PCDHGA5: variants seen among roughly 807,000 people sequenced by gnomAD.
The protein encoded by PCDHGA5 is protocadherin gamma-A5.
PCDHGA5 carries 36 observed loss-of-function variants against 56.7 expected under a neutral mutation model. That is an observed-to-expected ratio of 0.64 (90% confidence interval 0.49 to 0.84). The LOEUF is 0.84. Among genes scored for constraint, PCDHGA5 ranks in the 40% least tolerant of loss-of-function variants. PCDHGA5 has a pLI of 0.00. For synonymous variants in PCDHGA5, 563 were observed against 520.2 expected, an observed-to-expected ratio of 1.08 and a Z score of -1.12; for missense variants, 1,305 against 1,201.5, an observed-to-expected ratio of 1.09 and a Z score of -1.27.
chr5:141,400,011 G>A (rs200842238), intron 1 of PCDHGA5: 35 of 1,612,624 alleles, frequency 2.2e-5, no homozygotes, highest in African/African-American at 4.0e-5. Context: ...CGCGTGCCTT[G>A]GGCGACAGGG....
chr5:141,439,310 A>G lies in PCDHGA5; in HGVS notation c.2422-55497A>G, dbSNP rs775009481. ...TCCATGGAAAAAGTAAAGCCCAGGCATGGAAGTGGGAATGGAAAGAAAGAT... is the reference window on the plus strand; with the variant it reads ...TCCATGGAAAAAGTAAAGCCCAGGCGTGGAAGTGGGAATGGAAAGAAAGAT... On this transcript the variant is annotated intron_variant, in intron 1 of 3. Transcript: ENST00000518069. 1.6e-4 allele frequency among the ~76,000 whole-genome samples: 24 copies of G among 152,320 alleles called. No homozygotes were observed. In the South Asian group the frequency reaches 4.1e-3, roughly 26 times the overall value.
chr5:141,384,356 A>G, intron 1 of PCDHGA5: 3 of 1,613,862 alleles, frequency 1.9e-6, no homozygotes, highest in Non-Finnish European at 1.7e-6. Flanking sequence ...GATAATGCCC[A>G]GATCACTTAT....
At chr5:141,502,300 TTCCTC>T (rs139569110) in intron 2 of PCDHGA5, among the ~76,000 whole-genome samples, 4,853 of 152,256 alleles carry the variant, frequency 0.032, 250 homozygotes, top group African/African-American at 0.11. Flanking sequence ...TGTCACGTCT[TTCCTC>T]TCCTTTAATC....
At chr5:141,374,028 G>A (rs1417226376) in intron 1 of PCDHGA5, 1 of 1,418,506 alleles carries the variant, frequency 7.0e-7, no homozygotes, top group Non-Finnish European at 9.3e-7. Context: ...GAGCAAAAGT[G>A]ATGCAGATCT....
chr5:141,409,033 A>C, intron 1 of PCDHGA5: 1 of 1,614,028 alleles, frequency 6.2e-7, no homozygotes, highest in South Asian at 1.1e-5. Context: ...ATGCTGAGAT[A>C]AACTACTACT....
At chr5:141,409,723 G>T (rs781363259) in intron 1 of PCDHGA5, 1 of 1,613,154 alleles carries the variant, frequency 6.2e-7, no homozygotes, top group Non-Finnish European at 8.5e-7. Flanking sequence ...ACGTGTCAGT[G>T]AGCGCGCAGA....
intron 1 of PCDHGA5, chr5:141,413,078 C>T: frequency 7.7e-7 from 1 of 1,301,152 alleles, no homozygotes; most frequent in Non-Finnish European, 1.1e-6. Flanking sequence ...AGTGCCCAGG[C>T]TACAGAGACA....
At chr5:141,398,811 C>T (rs1231007055) in intron 1 of PCDHGA5, 4 of 1,613,862 alleles carry the variant, frequency 2.5e-6, no homozygotes, top group Non-Finnish European at 3.4e-6. Context: ...CCACTGAGCT[C>T]CGGATCCAGG....
At chr5:141,403,236 T>G in intron 1 of PCDHGA5, 1 of 1,613,908 alleles carries the variant, frequency 6.2e-7, no homozygotes, top group South Asian at 1.1e-5. Flanking sequence ...CGGGAGGAGC[T>G]CTGTGCTCAG....
At chr5:141,500,455 C>T (rs1254764658) in intron 2 of PCDHGA5, among the ~76,000 whole-genome samples, 4 of 151,986 alleles carry the variant, frequency 2.6e-5, no homozygotes, top group Non-Finnish European at 5.9e-5. Context: ...GTGATCCGCC[C>T]GCCTCGGCCT....
chr5:141,416,042 A>G (rs1024979061), intron 1 of PCDHGA5: 1 of 193,196 alleles, frequency 5.2e-6, no homozygotes, highest in African/African-American at 2.3e-5. Context: ...ACCTCTGGAA[A>G]CACAACCCAA....
At chr5:141,371,418 G>T in intron 1 of PCDHGA5, 1 of 1,614,006 alleles carries the variant, frequency 6.2e-7, no homozygotes. Flanking sequence ...AGATGAAAAT[G>T]ACAATGCCCC....
intron 1 of PCDHGA5, chr5:141,404,365 C>G (rs1322773399): frequency 1.2e-6 from 2 of 1,613,818 alleles, no homozygotes; most frequent in Admixed American, 3.3e-5. Context: ...GTACTTCCAT[C>G]TTCTCCGTGA....
intron 1 of PCDHGA5, chr5:141,385,016 C>T (rs536780147): frequency 1.2e-6 from 2 of 1,614,068 alleles, no homozygotes; most frequent in African/African-American, 1.3e-5. Flanking sequence ...GTCTTCCTAG[C>T]CTTCGTCCTC....
At chr5:141,483,772 G>C (rs2099586910) in intron 1 of PCDHGA5, among the ~76,000 whole-genome samples, 1 of 152,140 alleles carries the variant, frequency 6.6e-6, no homozygotes, top group Non-Finnish European at 1.5e-5. Flanking sequence ...AAAAATATTG[G>C]GGAAGGATAA....
At chr5:141,394,188 G>A (rs772537455) in intron 1 of PCDHGA5, 1 of 1,613,828 alleles carries the variant, frequency 6.2e-7, no homozygotes, top group Non-Finnish European at 8.5e-7. Flanking sequence ...CTCCTACTCA[G>A]CGTATATCCT....
At chr5:141,470,795 C>T (rs947636574) in intron 1 of PCDHGA5, among the ~76,000 whole-genome samples, 2 of 152,182 alleles carry the variant, frequency 1.3e-5, no homozygotes, top group Non-Finnish European at 2.9e-5. Context: ...TCAAGCAATC[C>T]TCCCACTTCA....
At chr5:141,409,620 A>C in intron 1 of PCDHGA5, 2 of 1,613,876 alleles carry the variant, frequency 1.2e-6, no homozygotes, top group Non-Finnish European at 1.7e-6. Flanking sequence ...TCCATTGCGC[A>C]AGTGAGCGCC....
chr5:141,459,548 C>G (rs980305784), intron 1 of PCDHGA5, among the ~76,000 whole-genome samples: 2 of 152,036 alleles, frequency 1.3e-5, no homozygotes, highest in African/African-American at 4.8e-5. Flanking sequence ...TTTTATTTCT[C>G]TTGGATAAAT....
Sources: allele counts gnomAD v4.1 joint callset (sites outside exome capture counted in the v4.1 genomes callset), GRCh38; gene constraint gnomAD v4.1.1; transcripts MANE v1.5; gene names NCBI Gene and HGNC (gene_info 2026-07-23, HGNC 2026-07-21).